Variants in EYS observed in about 807,000 individuals in gnomAD.
EYS encodes the protein protein eyes shut homolog.
In EYS, 250 loss-of-function variants were observed where a neutral mutation model predicts 282.1. That is an observed-to-expected ratio of 0.89 (90% confidence interval 0.80 to 0.98). The LOEUF is 0.98. EYS is among the 50% of genes least tolerant of loss of function. The pLI is 0.00. For missense variants in EYS, 4,016 were observed against 3,709.0 expected (o/e 1.08, Z -2.15); for synonymous variants, 1,355 against 1,282.9 (o/e 1.06, Z -1.20).
chr6:64,411,925 G>GTATATATGATTATATATGCATGCATA (rs1561980315), intron 28 of EYS, among the ~76,000 whole-genome samples: 1 of 117,318 alleles, frequency 8.5e-6, no homozygotes. Flanking sequence ...ATGCATGCAT[G>GTATATATGATTATATATGCATGCATA]TATGTATATA....
chr6:63,819,988 A>G (rs1771279552), intron 36 of EYS, among the ~76,000 whole-genome samples: 1 of 152,224 alleles, frequency 6.6e-6, no homozygotes, highest in African/African-American at 2.4e-5. Context: ...CTTCTGAAGT[A>G]CTACTTCTTA....
chr6:64,020,000 C>A lies in EYS; in HGVS notation c.6726-20817G>T, dbSNP rs116720277. 2.5e-3 allele frequency among the ~76,000 whole-genome samples: 373 copies of A among 151,954 alleles called. 2 individuals carry two copies. The highest frequency in any genetic ancestry group is 8.5e-3 in the African/African-American group (352 of 41,480). On this transcript the variant is annotated intron_variant, in intron 33 of 42. Transcript: ENST00000503581. The stretch of plus-strand genomic sequence containing the variant: ...ATCAGAAAGCAATAGTGTATCTCCT[C>A]TTAACATTTTCGCAGAGTAATCAGT...
At chr6:65,369,318 A>ATATATAT (rs1562127772) in intron 8 of EYS, among the ~76,000 whole-genome samples, 20 of 51,634 alleles carry the variant, frequency 3.9e-4, no homozygotes, top group South Asian at 1.0e-3. Flanking sequence ...TATATATATT[A>ATATATAT]TATATATATA....
At chr6:64,587,662 C>T (rs1766274875) in intron 26 of EYS, among the ~76,000 whole-genome samples, 1 of 151,964 alleles carries the variant, frequency 6.6e-6, no homozygotes, top group Non-Finnish European at 1.5e-5. Flanking sequence ...AGTTGTTTAA[C>T]CTGGTGCTGG....
chr6:64,992,770 T>C (rs1036287628), intron 14 of EYS, among the ~76,000 whole-genome samples: 5 of 152,118 alleles, frequency 3.3e-5, no homozygotes, highest in Admixed American at 6.6e-5. Context: ...CAAATCTTTA[T>C]AGAGAAGGAG....
intron 22 of EYS, among the ~76,000 whole-genome samples, chr6:64,691,027 T>C (rs1417788963): frequency 6.6e-6 from 1 of 151,974 alleles, no homozygotes; most frequent in Non-Finnish European, 1.5e-5. Context: ...GCATATATAA[T>C]ATTAAAAGAG....
chr6:65,312,718 T>C (rs2150299533), intron 11 of EYS, among the ~76,000 whole-genome samples: 1 of 152,352 alleles, frequency 6.6e-6, no homozygotes, highest in East Asian at 1.9e-4. Flanking sequence ...TATTGGCTTT[T>C]TCTTTTCTCT....
At chr6:64,045,925 A>T (rs113200863) in intron 33 of EYS, among the ~76,000 whole-genome samples, 1 of 147,474 alleles carries the variant, frequency 6.8e-6, no homozygotes, top group South Asian at 2.1e-4. Flanking sequence ...TATATATGTA[A>T]TATATAATAC....
intron 12 of EYS, among the ~76,000 whole-genome samples, chr6:65,233,320 T>C (rs1470053131): frequency 6.6e-6 from 1 of 152,110 alleles, no homozygotes; most frequent in African/African-American, 2.4e-5. Flanking sequence ...CACCCCTCCA[T>C]CTGGCAGTGG....
intron 5 of EYS, among the ~76,000 whole-genome samples, chr6:65,445,781 T>C (rs1321350259): frequency 6.6e-6 from 1 of 151,820 alleles, no homozygotes; most frequent in Non-Finnish European, 1.5e-5. Context: ...CAGTTCTACT[T>C]TATTGATGTT....
intron 30 of EYS, among the ~76,000 whole-genome samples, chr6:64,255,019 T>C (rs1019617401): frequency 2.0e-5 from 3 of 152,096 alleles, no homozygotes; most frequent in Non-Finnish European, 1.5e-5. Flanking sequence ...GGAGATTACT[T>C]TGTGAAAAAT....
intron 22 of EYS, among the ~76,000 whole-genome samples, chr6:64,791,865 T>C (rs1047886926): frequency 2.0e-5 from 3 of 151,932 alleles, no homozygotes; most frequent in African/African-American, 7.2e-5. Flanking sequence ...TCGTATATAT[T>C]TATAGTTTTT....
chr6:64,640,537 G>A (rs996322186), intron 22 of EYS, among the ~76,000 whole-genome samples: 2 of 150,764 alleles, frequency 1.3e-5, no homozygotes, highest in Middle Eastern at 3.4e-3. Context: ...CATGGACACA[G>A]GAAGGGGGTC....
chr6:63,802,131 T>G (rs1420288143), intron 37 of EYS, among the ~76,000 whole-genome samples: 1 of 152,242 alleles, frequency 6.6e-6, no homozygotes, highest in African/African-American at 2.4e-5. Context: ...ACGATATGTT[T>G]TAAAAGACTC....
chr6:65,280,556 C>T (rs1407396913), intron 12 of EYS, among the ~76,000 whole-genome samples: 2 of 151,954 alleles, frequency 1.3e-5, no homozygotes, highest in African/African-American at 2.4e-5. Context: ...ATATCTGTAG[C>T]TGTAATTTTT....
At chr6:64,201,809 T>C (rs1251458401) in intron 31 of EYS, among the ~76,000 whole-genome samples, 1 of 152,214 alleles carries the variant, frequency 6.6e-6, no homozygotes, top group Non-Finnish European at 1.5e-5. Flanking sequence ...GATATACTTT[T>C]GCTGGTGAAT....
intron 36 of EYS, among the ~76,000 whole-genome samples, chr6:63,836,004 T>C (rs1771795586): frequency 6.6e-6 from 1 of 152,078 alleles, no homozygotes; most frequent in African/African-American, 2.4e-5. Context: ...TTGCTCCCAT[T>C]ATTGGGCTGT....
intron 35 of EYS, among the ~76,000 whole-genome samples, chr6:63,903,157 A>C (rs1773696532): frequency 6.6e-6 from 1 of 152,154 alleles, no homozygotes; most frequent in South Asian, 2.1e-4. Flanking sequence ...GTGGAGGAGA[A>C]AGAAACACAG....
At chr6:64,192,067 C>G (rs1765131031) in intron 31 of EYS, among the ~76,000 whole-genome samples, 1 of 141,524 alleles carries the variant, frequency 7.1e-6, no homozygotes, top group African/African-American at 2.5e-5. Flanking sequence ...ATTTGCATTT[C>G]TCTGATGGCC....
Sources: gnomAD v4.1 joint callset for allele counts (sites outside exome capture counted in the v4.1 genomes callset) on GRCh38, gnomAD v4.1.1 for gene constraint, MANE v1.5 for transcripts, NCBI Gene and HGNC (gene_info 2026-07-23, HGNC 2026-07-21) for gene names.